The following CHD6 variants were observed in gnomAD, a reference collection of about 807,000 sequenced individuals.
The protein encoded by CHD6 is ATP-dependent chromatin remodeler CHD6.
CHD6 carries 50 observed loss-of-function variants against 276.9 expected under a neutral mutation model. The ratio of observed to expected loss-of-function variants is 0.18; its 90% CI spans 0.14 to 0.23. The LOEUF (loss-of-function observed/expected upper bound fraction) is 0.23, where lower values mean the gene tolerates loss of function less well. Among genes scored for constraint, CHD6 ranks in the 10% least tolerant of loss-of-function variants. The probability of loss-of-function intolerance (pLI) is 1.00; values close to 1 mark genes in which losing one functional copy is unlikely to be tolerated. For missense variants in CHD6, 2,564 were observed against 3,365.8 expected (o/e 0.76, Z 5.89); for synonymous variants, 1,173 against 1,229.3 (o/e 0.95, Z 0.96).
intron 17 of CHD6, among the ~76,000 whole-genome samples, chr20:41,457,641 C>T (rs1233061004): frequency 1.3e-5 from 2 of 152,168 alleles, no homozygotes; most frequent in East Asian, 1.9e-4. Flanking sequence ...CTGACTACTG[C>T]GTGCCAGGGA....
chr20:41,555,118 C>T (rs2045206052), intron 1 of CHD6, among the ~76,000 whole-genome samples: 2 of 136,758 alleles, frequency 1.5e-5, no homozygotes, highest in Non-Finnish European at 1.6e-5. Context: ...CTGACCCCCC[C>T]ACCTCCCTCC....
intron 1 of CHD6, among the ~76,000 whole-genome samples, chr20:41,604,603 G>A (rs952088392): frequency 1.3e-5 from 2 of 152,086 alleles, no homozygotes; most frequent in Non-Finnish European, 2.9e-5. Context: ...TCCTAAAACG[G>A]AAAATAACTG....
intron 5 of CHD6, among the ~76,000 whole-genome samples, chr20:41,509,313 G>GA (rs1405788174): frequency 1.3e-5 from 2 of 152,216 alleles, no homozygotes; most frequent in Admixed American, 1.3e-4. Context: ...TTAGTTTATT[G>GA]AAACTCTCCT....
intron 31 of CHD6, among the ~76,000 whole-genome samples, chr20:41,417,820 T>A (rs1374574558): frequency 6.6e-6 from 1 of 152,226 alleles, no homozygotes; most frequent in Non-Finnish European, 1.5e-5. Flanking sequence ...AAGACAGACC[T>A]GATTCATGTA....
At chr20:41,429,867 T>G (rs1220493697) in intron 27 of CHD6, among the ~76,000 whole-genome samples, 1 of 152,222 alleles carries the variant, frequency 6.6e-6, no homozygotes, top group Admixed American at 6.5e-5. Context: ...CTGAGACCAC[T>G]CAGGCTTGTG....
At position 41,473,756 on chromosome 20, in the gene CHD6, C is replaced by CAA. The variant is rs3215511; in HGVS notation, c.2469-241_2469-240dup. On this transcript the variant is annotated intron_variant, in intron 16 of 36. Transcript: ENST00000373233. The surrounding 1 kb of genome is among the most constrained non-coding windows in gnomAD (Gnocchi z 4.1). ...AACAAAACAAAAAAACAAAACAAAG[C>CAA]AAAAAAAAACCAGCTGTAAACTAAG... Among the ~76,000 whole-genome samples, 15 of 149,456 alleles carry CAA rather than the reference C, an allele frequency of 1.0e-4. 1 individual carries two copies. The highest frequency in any genetic ancestry group is 3.0e-4 in the African/African-American group (12 of 40,660).
At chr20:41,487,285 T>C (rs1425626189) in intron 14 of CHD6, among the ~76,000 whole-genome samples, 4 of 152,152 alleles carry the variant, frequency 2.6e-5, no homozygotes, top group East Asian at 3.9e-4. Flanking sequence ...GGGAACAAGT[T>C]GCAGATTTTG....
At chr20:41,541,165 G>A (rs957113956) in intron 2 of CHD6, among the ~76,000 whole-genome samples, 9 of 152,138 alleles carry the variant, frequency 5.9e-5, no homozygotes, top group African/African-American at 2.2e-4. Flanking sequence ...ATGTCTGTCC[G>A]ATTGTGCATT....
In CHD6 at chr20:41,437,321, T is replaced by C. The variant is rs1271634253; in HGVS notation, c.4021A>G (p.Lys1341Glu). The change falls in exon 27 of 37, where the codon AAA (lysine) becomes GAA (glutamate). Residue 1341 changes from lysine to glutamate, a missense_variant. By Grantham distance (56) the Lys-to-Glu change is moderately conservative (BLOSUM62 1). Coordinates refer to ENST00000373233, the MANE Select transcript of CHD6 (RefSeq NM_032221.5). ...ACTTTGTCCTCAGCATTGTCTTCTT[T>C]ATCTGTGTTGCCTCTAAATAAAAGT... The part of the protein sequence containing the change: ...SDIPERGNTD[K>E]EDNAEDKVDG... 1 of 1,613,306 alleles carries C rather than the reference T, an allele frequency of 6.2e-7. No homozygotes were observed. The highest frequency in any genetic ancestry group is 8.5e-7 in the Non-Finnish European group (1 of 1,179,570).
intron 3 of CHD6, among the ~76,000 whole-genome samples, chr20:41,516,909 A>G (rs1417293333): frequency 6.6e-6 from 1 of 152,186 alleles, no homozygotes; most frequent in East Asian, 1.9e-4. Context: ...AAGAGCCAAC[A>G]CTGGTACTTC....
At chr20:41,468,999 C>A (rs2072971) in intron 17 of CHD6, among the ~76,000 whole-genome samples, 24,242 of 152,022 alleles carry the variant, frequency 0.16, 2,181 homozygotes, top group South Asian at 0.23. Flanking sequence ...CTTCTGAAAA[C>A]ATAAAATTAG....
rs1164315463 is a variant in CHD6, at chr20:41,404,741, G to C, written c.8000C>G (p.Ser2667Cys). 2 of 1,605,290 alleles carry C rather than the reference G, an allele frequency of 1.2e-6. No individual in the cohort carries two copies. Among genetic ancestry groups the C allele is most frequent in the Admixed American group, 1.7e-5 (1 of 59,154 alleles). Reference sequence around the variant, plus strand: ...ACAGCTGGGAGCAGGCTCTGGGTGGGAGTTGGGGTTGTCCCCCTTTGTCTT... The same window carrying C: ...ACAGCTGGGAGCAGGCTCTGGGTGGCAGTTGGGGTTGTCCCCCTTTGTCTT... ...KKKTKGDNPN[S>C]HPEPAPSCER... The change falls in exon 37 of 37, where the codon TCC (serine) becomes TGC (cysteine). Residue 2667 changes from serine (S) to cysteine (C), a missense_variant. Coordinates refer to ENST00000373233, the MANE Select transcript of CHD6 (RefSeq NM_032221.5).
intron 4 of CHD6, 120 bp from the exon 5 acceptor site, chr20:41,513,115 A>G (rs2044161087): frequency 1.9e-6 from 2 of 1,065,632 alleles, no homozygotes; most frequent in African/African-American, 1.6e-5. Flanking sequence ...TTACAAAAGA[A>G]ATCTTTCTTA....
At chr20:41,556,134 C>G (rs1333349098) in intron 1 of CHD6, among the ~76,000 whole-genome samples, 2 of 152,100 alleles carry the variant, frequency 1.3e-5, no homozygotes, top group Non-Finnish European at 2.9e-5. Flanking sequence ...CACCTGCAAT[C>G]GCAGGCACTC....
intron 1 of CHD6, among the ~76,000 whole-genome samples, chr20:41,556,624 T>C (rs1206487872): frequency 2.0e-5 from 3 of 152,164 alleles, no homozygotes; most frequent in South Asian, 2.1e-4. Flanking sequence ...GATGTTACTG[T>C]AGAGTAACTG....
intron 1 of CHD6, among the ~76,000 whole-genome samples, chr20:41,604,319 A>G (rs545668987): frequency 1.3e-5 from 2 of 152,298 alleles, no homozygotes; most frequent in South Asian, 2.1e-4. Context: ...CATGCCCAGG[A>G]AGGAGTATAA....
At chr20:41,564,152 C>T in intron 1 of CHD6, 1 of 738,868 alleles carries the variant, frequency 1.4e-6, no homozygotes, top group South Asian at 1.5e-5. Flanking sequence ...GACACATGGG[C>T]TAAAAACAAA....
chr20:41,467,968 C>G (rs999666715), intron 17 of CHD6, among the ~76,000 whole-genome samples: 2 of 152,118 alleles, frequency 1.3e-5, no homozygotes, highest in Admixed American at 1.3e-4. Context: ...CATGGTCATA[C>G]TCTTTGTTTT....
At chr20:41,610,760 AAAATAAATAAAT>A (rs5841413) in intron 1 of CHD6, among the ~76,000 whole-genome samples, 73 of 147,328 alleles carry the variant, frequency 5.0e-4, no homozygotes, top group African/African-American at 1.1e-3. Context: ...TCCGTCTCAA[AAAATAAATAAAT>A]AAATAAATAA....
Sources: gnomAD v4.1 joint callset for allele counts (sites outside exome capture counted in the v4.1 genomes callset) on GRCh38, gnomAD v4.1.1 for gene constraint, Gnocchi (gnomAD v3.1) non-coding constraint, MANE v1.5 for transcripts, NCBI Gene and HGNC (gene_info 2026-07-23, HGNC 2026-07-21) for gene names.